The following SYN3 variants were observed in gnomAD, a reference collection of about 807,000 sequenced individuals.
SYN3 encodes the protein synapsin III.
Under a neutral mutation model 65.8 loss-of-function variants are expected in SYN3, and 35 were observed. The ratio of observed to expected loss-of-function variants is 0.53; its 90% CI spans 0.41 to 0.70. The LOEUF is 0.70. SYN3 is among the 30% of genes least tolerant of loss of function. The pLI is 0.00. For synonymous variants in SYN3, 270 were observed against 292.9 expected, an observed-to-expected ratio of 0.92 and a Z score of 0.80; for missense variants, 680 against 749.0, an observed-to-expected ratio of 0.91 and a Z score of 1.08.
chr22:32,803,250 G>A (rs1168950331), intron 6 of SYN3, among the ~76,000 whole-genome samples: 3 of 152,078 alleles, frequency 2.0e-5, no homozygotes, highest in African/African-American at 7.2e-5. Flanking sequence ...GAGCGTGTGT[G>A]TTTTAAGTAC....
chr22:32,892,022 G>A (rs1052208326), intron 4 of SYN3, among the ~76,000 whole-genome samples: 1 of 150,874 alleles, frequency 6.6e-6, no homozygotes, highest in East Asian at 1.9e-4. Context: ...CTGGCTGGGC[G>A]CATAGCTCAT....
chr22:32,788,849 G>A (rs2046255623), intron 6 of SYN3, among the ~76,000 whole-genome samples: 1 of 152,192 alleles, frequency 6.6e-6, no homozygotes. Flanking sequence ...TGGGCGGCCT[G>A]TGCCTACCTT....
At chr22:33,045,943 C>T (rs1159985680) in intron 1 of SYN3, among the ~76,000 whole-genome samples, 1 of 151,062 alleles carries the variant, frequency 6.6e-6, no homozygotes, top group Non-Finnish European at 1.5e-5. Context: ...TTGCAAGTCA[C>T]ATATCCAAGA....
chr22:32,513,839 C>G lies in SYN3; in HGVS notation c.1611-15G>C. On this transcript the variant is annotated splice_polypyrimidine_tract_variant and intron_variant, in intron 13 of 13. Transcript: ENST00000358763. Reference sequence around the variant, plus strand: ...ACTGAGATTTGCTGAAACAGAAAGGCAAGGGGGTTGAGGAAGACAAGGCGA... The same window carrying G: ...ACTGAGATTTGCTGAAACAGAAAGGGAAGGGGGTTGAGGAAGACAAGGCGA... 1 of 1,613,884 alleles carries G rather than the reference C, an allele frequency of 6.2e-7. No homozygotes were observed.
intron 6 of SYN3, among the ~76,000 whole-genome samples, chr22:32,718,506 GAAA>G (rs199623097): frequency 2.8e-5 from 3 of 106,564 alleles, no homozygotes; most frequent in Admixed American, 9.9e-5. Context: ...TTCAAGGACT[GAAA>G]AAAAAAAAAA....
chr22:32,699,047 C>T (rs2060776114), intron 6 of SYN3, among the ~76,000 whole-genome samples: 1 of 152,204 alleles, frequency 6.6e-6, no homozygotes, highest in South Asian at 2.1e-4. Context: ...CTCCACTGAA[C>T]CAGACATTCA....
chr22:32,563,109 C>T (rs2058610768), intron 7 of SYN3, among the ~76,000 whole-genome samples: 1 of 152,238 alleles, frequency 6.6e-6, no homozygotes, highest in Admixed American at 6.5e-5. Flanking sequence ...ATTGCCATAA[C>T]CTCATTGCGT....
chr22:32,820,766 T>G (rs1188268939), intron 6 of SYN3, among the ~76,000 whole-genome samples: 3 of 152,186 alleles, frequency 2.0e-5, no homozygotes, highest in African/African-American at 7.2e-5. Flanking sequence ...AGAAGCTTAC[T>G]CATACCTATT....
intron 6 of SYN3, among the ~76,000 whole-genome samples, chr22:32,799,681 C>G (rs1462979795): frequency 6.6e-6 from 1 of 152,142 alleles, no homozygotes; most frequent in Non-Finnish European, 1.5e-5. Context: ...CGGGGATAAG[C>G]GAATCTCTCA....
At chr22:32,931,672 C>T (rs556892073) in intron 3 of SYN3, among the ~76,000 whole-genome samples, 191 bp from the exon 4 acceptor site, 1 of 152,336 alleles carries the variant, frequency 6.6e-6, no homozygotes, top group South Asian at 2.1e-4. Flanking sequence ...GGCCTGGTGG[C>T]ATGTCCAAGG....
intron 2 of SYN3, among the ~76,000 whole-genome samples, chr22:32,987,177 C>T (rs2052552592): frequency 6.6e-6 from 1 of 152,110 alleles, no homozygotes; most frequent in Non-Finnish European, 1.5e-5. Context: ...TGTCTCTCCG[C>T]AGGCCACCCC....
chr22:32,934,803 T>C (rs115984569), intron 3 of SYN3, among the ~76,000 whole-genome samples: 2,131 of 152,310 alleles, frequency 0.014, 56 homozygotes, highest in African/African-American at 0.048. Flanking sequence ...TGAAATCATC[T>C]TAGACTGGTG....
intron 2 of SYN3, among the ~76,000 whole-genome samples, chr22:32,981,915 G>T (rs1161397587): frequency 1.3e-5 from 2 of 151,998 alleles, no homozygotes; most frequent in Non-Finnish European, 2.9e-5. Flanking sequence ...ACCACACATG[G>T]TTTATCTTGG....
chr22:32,664,939 C>T (rs2060268781), intron 6 of SYN3, among the ~76,000 whole-genome samples: 2 of 151,148 alleles, frequency 1.3e-5, no homozygotes, highest in Non-Finnish European at 1.5e-5. Flanking sequence ...TCCCTCAACC[C>T]CTCCCACCCT....
At chr22:32,730,133 G>A (rs966260578) in intron 6 of SYN3, among the ~76,000 whole-genome samples, 1 of 152,174 alleles carries the variant, frequency 6.6e-6, no homozygotes, top group African/African-American at 2.4e-5. Flanking sequence ...AAGTCACCTA[G>A]TCTACCGCCC....
At chr22:32,551,585 C>G (rs1417311640) in intron 7 of SYN3, among the ~76,000 whole-genome samples, 2 of 151,020 alleles carry the variant, frequency 1.3e-5, no homozygotes, top group Non-Finnish European at 2.9e-5. Flanking sequence ...TTATGTCATA[C>G]TAACCATGTG....
At chr22:32,949,303 G>A (rs776619334) in intron 3 of SYN3, among the ~76,000 whole-genome samples, 5 of 151,852 alleles carry the variant, frequency 3.3e-5, no homozygotes, top group African/African-American at 4.8e-5. Flanking sequence ...AGTTACCAGC[G>A]GGGGGCGGGG....
At chr22:32,748,638 G>T (rs1479621069) in intron 6 of SYN3, among the ~76,000 whole-genome samples, 1 of 152,212 alleles carries the variant, frequency 6.6e-6, no homozygotes, top group Non-Finnish European at 1.5e-5. Flanking sequence ...ATGTAACTTG[G>T]AAGGTGGTTA....
At chr22:33,035,049 G>A (rs1042215961) in intron 1 of SYN3, among the ~76,000 whole-genome samples, 6 of 152,058 alleles carry the variant, frequency 3.9e-5, no homozygotes, top group Non-Finnish European at 8.8e-5. Context: ...GCAAGTATGG[G>A]GACACGTTCC....
Sources: allele counts gnomAD v4.1 joint callset (sites outside exome capture counted in the v4.1 genomes callset), GRCh38; gene constraint gnomAD v4.1.1; transcripts MANE v1.5; gene names NCBI Gene and HGNC (gene_info 2026-07-23, HGNC 2026-07-21).